EPB41L4B: variants seen among roughly 807,000 people sequenced by gnomAD.
The protein encoded by EPB41L4B is erythrocyte membrane protein band 4.1 like 4B.
In EPB41L4B, 30 loss-of-function variants were observed where a neutral mutation model predicts 112.5. That is an observed-to-expected ratio of 0.27 (90% CI 0.20 to 0.36). EPB41L4B has a LOEUF of 0.36. Among genes scored for constraint, EPB41L4B ranks in the 10% least tolerant of loss-of-function variants. EPB41L4B has a pLI of 1.00. For synonymous variants in EPB41L4B, 408 were observed against 439.7 expected (o/e 0.93, Z 0.90); for missense variants, 1,024 against 1,133.3 (o/e 0.90, Z 1.38).
chr9:109,235,027 C>G (rs1834091006), intron 15 of EPB41L4B, among the ~76,000 whole-genome samples: 1 of 152,200 alleles, frequency 6.6e-6, no homozygotes, highest in African/African-American at 2.4e-5. Context: ...TGTTTCAATT[C>G]TCCAAGCCTC....
At chr9:109,181,333 C>A (rs186726737) in intron 24 of EPB41L4B, among the ~76,000 whole-genome samples, 2 of 152,166 alleles carry the variant, frequency 1.3e-5, no homozygotes, top group East Asian at 3.9e-4. Context: ...CCAGTGACAC[C>A]CAGAGAGGTG....
At chr9:109,247,192 T>A (rs75722609) in intron 14 of EPB41L4B, among the ~76,000 whole-genome samples, 13 of 150,684 alleles carry the variant, frequency 8.6e-5, no homozygotes, top group East Asian at 3.9e-4. Context: ...TTTTTTTTTT[T>A]AATCAGGGGC....
intron 1 of EPB41L4B, among the ~76,000 whole-genome samples, chr9:109,309,725 T>C (rs1336809810): frequency 6.7e-6 from 1 of 149,332 alleles, no homozygotes; most frequent in Admixed American, 6.7e-5. Context: ...CACAACCAGA[T>C]CCCATCTCTA....
At chr9:109,253,158 C>A (rs1834856141) in intron 12 of EPB41L4B, among the ~76,000 whole-genome samples, 1 of 152,090 alleles carries the variant, frequency 6.6e-6, no homozygotes, top group Non-Finnish European at 1.5e-5. Flanking sequence ...TCCTGAGGTA[C>A]CGGGGCTTGA....
intron 5 of EPB41L4B, 89 bp from the exon 6 acceptor site, chr9:109,263,191 C>T (rs1040926400): frequency 3.7e-5 from 34 of 918,786 alleles, no homozygotes; most frequent in Admixed American, 1.8e-4. Context: ...CAAAAGGTAG[C>T]GCTATTTAGA....
chr9:109,237,758 G>C (rs1834200079), intron 15 of EPB41L4B, among the ~76,000 whole-genome samples: 1 of 152,104 alleles, frequency 6.6e-6, no homozygotes, highest in South Asian at 2.1e-4. Context: ...GCCCTGGTGT[G>C]TGTGAGTGGG....
At chr9:109,256,322 T>C in intron 8 of EPB41L4B, 71 bp downstream of exon 8, 1 of 1,593,646 alleles carries the variant, frequency 6.3e-7, no homozygotes. Context: ...ACAAGTTATT[T>C]TGTTTGCATA....
intron 23 of EPB41L4B, among the ~76,000 whole-genome samples, chr9:109,183,531 C>T (rs1832142606): frequency 1.3e-5 from 2 of 152,196 alleles, no homozygotes; most frequent in African/African-American, 4.8e-5. Context: ...ACTTCCATGT[C>T]TTTCTCTTTG....
intron 15 of EPB41L4B, 63 bp from the exon 16 acceptor site, chr9:109,217,208 T>G: frequency 6.7e-7 from 1 of 1,488,364 alleles, no homozygotes; most frequent in Non-Finnish European, 9.3e-7. Flanking sequence ...CTCTGTGTAC[T>G]TTCAAAGACG....
At chr9:109,204,296 G>A (rs951375567) in intron 18 of EPB41L4B, among the ~76,000 whole-genome samples, 1 of 151,878 alleles carries the variant, frequency 6.6e-6, no homozygotes, top group African/African-American at 2.4e-5. Context: ...CCACACACTA[G>A]TGGTCAATAG....
At chr9:109,201,104 C>T (rs935150885) in intron 19 of EPB41L4B, among the ~76,000 whole-genome samples, 1 of 152,174 alleles carries the variant, frequency 6.6e-6, no homozygotes, top group Non-Finnish European at 1.5e-5. Context: ...AGTCAACTGA[C>T]ACTTTTGGGT....
intron 1 of EPB41L4B, among the ~76,000 whole-genome samples, chr9:109,301,533 G>A (rs536001087): frequency 2.0e-4 from 30 of 152,020 alleles, no homozygotes; most frequent in Non-Finnish European, 4.0e-4. Flanking sequence ...CCCTACCCCC[G>A]AGGCAACAGT....
chr9:109,215,029 G>A (rs1231621919), intron 16 of EPB41L4B, among the ~76,000 whole-genome samples: 1 of 152,168 alleles, frequency 6.6e-6, no homozygotes, highest in African/African-American at 2.4e-5. Flanking sequence ...TCAATACCAA[G>A]TGGGTGTCGA....
At chr9:109,176,512 C>A (rs1292052259) in intron 25 of EPB41L4B, 39 bp downstream of exon 25, 2 of 1,561,342 alleles carry the variant, frequency 1.3e-6, no homozygotes, top group Non-Finnish European at 1.7e-6. Flanking sequence ...GTTTCCCTGT[C>A]ACCAGAATTA....
chr9:109,302,358 C>T (rs1837002060), intron 1 of EPB41L4B, among the ~76,000 whole-genome samples: 1 of 152,172 alleles, frequency 6.6e-6, no homozygotes, highest in South Asian at 2.1e-4. Context: ...AGGTCTGTGT[C>T]CACATTTCTT....
intron 1 of EPB41L4B, among the ~76,000 whole-genome samples, chr9:109,305,115 T>C (rs1837127965): frequency 6.6e-6 from 1 of 151,028 alleles, no homozygotes; most frequent in Admixed American, 6.6e-5. Context: ...CTATAACATG[T>C]GCTAGGTCCC....
intron 2 of EPB41L4B, among the ~76,000 whole-genome samples, chr9:109,273,242 ATTTC>A (rs1266728618): frequency 6.6e-6 from 1 of 150,768 alleles, no homozygotes; most frequent in African/African-American, 2.4e-5. Flanking sequence ...GGCCTGTGGC[ATTTC>A]TTTTTTTTTT....
rs560640956 is a variant in EPB41L4B at position 109,226,573 on chromosome 9, C to T, written c.1410-9428G>A. On this transcript the variant is annotated intron_variant, in intron 15 of 25. Coordinates refer to ENST00000374566, the MANE Select transcript of EPB41L4B (RefSeq NM_019114.5). ...GTTTCAGTTTTCGGATTGCCCATGA[C>T]TTATATACAATCAAAACCTCTCTTT... 1.4e-3 allele frequency among the ~76,000 whole-genome samples: 201 copies of T among 145,934 alleles called. 2 individuals are homozygous for T. Among genetic ancestry groups the T allele is most frequent in the African/African-American group, 4.8e-3 (189 of 39,296 alleles).
chr9:109,303,659 TTTTTCTTTTC>T (rs199892894), intron 1 of EPB41L4B, among the ~76,000 whole-genome samples: 4 of 151,822 alleles, frequency 2.6e-5, no homozygotes, highest in African/African-American at 4.8e-5. Flanking sequence ...GGCTGGGTTT[TTTTTCTTTTC>T]TTTTCTTTTC....
Sources: gnomAD v4.1 joint callset for allele counts (sites outside exome capture counted in the v4.1 genomes callset) on GRCh38, gnomAD v4.1.1 for gene constraint, MANE v1.5 for transcripts, NCBI Gene and HGNC (gene_info 2026-07-23, HGNC 2026-07-21) for gene names.